Variants in GZF1 observed in about 807,000 individuals in gnomAD.
GZF1 encodes the protein GDNF inducible zinc finger protein 1.
A neutral mutation model predicts 49.4 loss-of-function variants in GZF1; 28 were observed. That is an observed-to-expected ratio of 0.57 (90% CI 0.42 to 0.78). The LOEUF is 0.78. Among genes scored for constraint, GZF1 ranks in the 30% least tolerant of loss-of-function variants. The pLI, the probability that GZF1 is intolerant of heterozygous loss-of-function variation, is 0.00. For synonymous variants in GZF1, 364 were observed against 356.0 expected, an observed-to-expected ratio of 1.02 and a Z score of -0.25; for missense variants, 798 against 916.2, an observed-to-expected ratio of 0.87 and a Z score of 1.67.
intron 1 of GZF1, chr20:23,362,890 C>CAGG (rs1234511399): frequency 1.3e-5 from 2 of 152,298 alleles, no homozygotes; most frequent in African/African-American, 2.4e-5. Flanking sequence ...CTGGGGAAGT[C>CAGG]AGGGCATCAG....
rs553920502 is a variant in GZF1, at chr20:23,372,173, G to A, written c.*1732G>A. On this transcript the variant is annotated 3_prime_UTR_variant, in exon 6 of 6. Transcript: ENST00000338121. Reference sequence around the variant, plus strand: ...ACAATAGATCATTTTGTTACCTACTGGAGGGATTTTTGTCTTGAATTTGTT... The same window carrying A: ...ACAATAGATCATTTTGTTACCTACTAGAGGGATTTTTGTCTTGAATTTGTT... 1.8e-4 allele frequency: 27 copies of A among 152,592 alleles called. No individual in the cohort carries two copies. The highest frequency in any genetic ancestry group is 3.8e-4 in the Non-Finnish European group (26 of 68,040). 9.5% of individuals were successfully genotyped at this position (152,592 alleles called of 1,614,324 possible). A position where few individuals can be genotyped will look rare whatever the true frequency, so the allele number is the denominator to read the frequency against.
intron 2 of GZF1, among the ~76,000 whole-genome samples, chr20:23,366,124 A>G (rs916992840): frequency 6.6e-6 from 1 of 152,202 alleles, no homozygotes. Flanking sequence ...TAGAGACCTC[A>G]GTGAGATGCC....
In GZF1 at chr20:23,372,570, A is replaced by C. The variant is rs1425708445; in HGVS notation, c.*2129A>C. 1 of 152,198 alleles carries C rather than the reference A, an allele frequency of 6.6e-6. No individual in the cohort carries two copies. Among genetic ancestry groups the C allele is most frequent in the South Asian group, 2.1e-4 (1 of 4,828 alleles). The allele number at this position is 152,198 out of a possible 1,614,324, so 9.4% of individuals were successfully genotyped here. ...AGTAGGCATCAAAGATACGACTTCT[A>C]CTATATACATTTCTCTGTCCCTGAG... On this transcript the variant is annotated 3_prime_UTR_variant, in exon 6 of 6. Coordinates refer to ENST00000338121, the MANE Select transcript of GZF1 (RefSeq NM_022482.5).
At chr20:23,369,823 A>C in intron 5 of GZF1, 82 bp downstream of exon 5, 37 of 1,457,300 alleles carry the variant, frequency 2.5e-5, no homozygotes, top group Non-Finnish European at 3.2e-5. Flanking sequence ...ACCATTCTCC[A>C]AGGTGGTTAG....
Position 23,365,718 on chromosome 20 carries a change from G to C in GZF1, c.1335G>C (p.Ser445=), listed in dbSNP as rs758591239. 1 of 1,552,260 alleles carries C rather than the reference G, an allele frequency of 6.4e-7. No homozygotes were observed. The highest frequency in any genetic ancestry group is 1.4e-5 in the African/African-American group (1 of 73,858). The stretch of plus-strand genomic sequence containing the variant: ...GCACCGAGTGCGGCGCCAGGTTCTC[G>C]CAGCCGTCCGCGCTCAAGACGCACA... ...YGCTECGARF[S]QPSALKTHMR... Residue 445 remains serine, a synonymous_variant, in exon 2 of 6, where the codon TCG becomes TCC. Coordinates refer to ENST00000338121, the MANE Select transcript of GZF1 (RefSeq NM_022482.5).
Position 23,365,886 on chromosome 20 carries a change from T to A in GZF1, c.1364+139T>A, listed in dbSNP as rs983586678. 9 of 1,350,022 alleles carry A rather than the reference T, an allele frequency of 6.7e-6. 1 individual carries two copies. In the Middle Eastern group the frequency reaches 1.9e-3, roughly 283 times the overall value. 83.6% of individuals were successfully genotyped at this position (1,350,022 alleles called of 1,614,324 possible). On this transcript the variant is annotated intron_variant, in intron 2 of 5. Coordinates refer to ENST00000338121, the MANE Select transcript of GZF1 (RefSeq NM_022482.5). ...GGCTTATTTCGAGACAGCGTTTAGT[T>A]CTCTGTCAAGGTACAGGGGCTGCGA... is the stretch of plus-strand genomic sequence containing the variant.
chr20:23,362,196 G>A lies in GZF1; in HGVS notation c.-63G>A, dbSNP rs918833611. On this transcript the variant is annotated 5_prime_UTR_variant, in exon 1 of 6. Coordinates refer to ENST00000338121, the MANE Select transcript of GZF1 (RefSeq NM_022482.5). ...CCGGGCCGGCCGTTCCTACCGGCCT[G>A]GTCCAGCGGACAGCGGCTGCAGCGG... 1 of 152,064 alleles carries A rather than the reference G, an allele frequency of 6.6e-6. No homozygotes were observed. The allele number at this position is 152,064 out of a possible 1,614,324, so 9.4% of individuals were successfully genotyped here.
intron 2 of GZF1, among the ~76,000 whole-genome samples, chr20:23,366,109 C>G (rs1055575872): frequency 7.2e-5 from 11 of 152,326 alleles, no homozygotes; most frequent in Admixed American, 7.2e-4. Flanking sequence ...GTCCCACAGT[C>G]TCAGTAGAGA....
In GZF1 at chr20:23,365,592, C is replaced by T. The variant is rs752982321; in HGVS notation, c.1209C>T (p.Gly403=). 2.2e-5 allele frequency: 36 copies of T among 1,608,916 alleles called. No individual in the cohort carries two copies. The highest frequency in any genetic ancestry group is 2.9e-5 in the Non-Finnish European group (34 of 1,179,490). Residue 403 remains glycine, a synonymous_variant, in exon 2 of 6, where the codon GGC becomes GGT. Transcript: ENST00000338121. The part of the protein sequence containing the change: ...KRHVLQVHEG[G]GERHRCGQCG... ...ACGTGCTGCAGGTGCATGAGGGCGG[C>T]GGCGAGCGGCACCGCTGCGGCCAGT...
rs899424274 is a variant in GZF1 at position 23,366,943 on chromosome 20, G to C, written c.1365-60G>C. 31 of 1,175,930 alleles carry C rather than the reference G, an allele frequency of 2.6e-5. No homozygotes were observed. In the South Asian group the frequency reaches 3.8e-4, roughly 14 times the overall value. The allele number at this position is 1,175,930 out of a possible 1,614,324, so 72.8% of individuals were successfully genotyped here. ...ATTTTTGCAGGATAGAGTGGAAATTGTATTGCAAAGTGAGCTTTGAAATAC... is the reference window on the plus strand; with the variant it reads ...ATTTTTGCAGGATAGAGTGGAAATTCTATTGCAAAGTGAGCTTTGAAATAC... On this transcript the variant is annotated intron_variant, in intron 2 of 5. Transcript: ENST00000338121.
chr20:23,361,482 C>A (rs1242403214), upstream of GZF1, among the ~76,000 whole-genome samples: 2 of 152,208 alleles, frequency 1.3e-5, no homozygotes, highest in Non-Finnish European at 2.9e-5. Context: ...AATGGGAACT[C>A]CTGGAAATAA....
At chr20:23,368,713 G>GTTTT (rs1981699438) in intron 3 of GZF1, 49 bp from the exon 4 acceptor site, 1 of 1,487,750 alleles carries the variant, frequency 6.7e-7, no homozygotes, top group African/African-American at 1.4e-5. Flanking sequence ...TGTTCCATGT[G>GTTTT]TTTTTAATGC....
Position 23,372,580 on chromosome 20 carries a change from T to C in GZF1, c.*2139T>C, listed in dbSNP as rs1188778117. 1 of 152,218 alleles carries C rather than the reference T, an allele frequency of 6.6e-6. No homozygotes were observed. Among genetic ancestry groups the C allele is most frequent in the Non-Finnish European group, 1.5e-5 (1 of 68,040 alleles). The allele number at this position is 152,218 out of a possible 1,614,324, so 9.4% of individuals were successfully genotyped here. A position where few individuals can be genotyped will look rare whatever the true frequency, so the allele number is the denominator to read the frequency against. ...AAAGATACGACTTCTACTATATACATTTCTCTGTCCCTGAGAACAGAGAAA... is the reference window on the plus strand; with the variant it reads ...AAAGATACGACTTCTACTATATACACTTCTCTGTCCCTGAGAACAGAGAAA... On this transcript the variant is annotated 3_prime_UTR_variant, in exon 6 of 6. Coordinates refer to ENST00000338121, the MANE Select transcript of GZF1 (RefSeq NM_022482.5).
At chr20:23,365,960 G>A (rs746010796) in intron 2 of GZF1, among the ~76,000 whole-genome samples, 1 of 152,274 alleles carries the variant, frequency 6.6e-6, no homozygotes, top group East Asian at 1.9e-4. Flanking sequence ...GCCCCTGCTG[G>A]CCGGGACGTC....
chr20:23,362,280 C>G lies in GZF1; in HGVS notation c.-22+43C>G, dbSNP rs981754367. ...AGGCCTGGCTCCGGCCCCTCGCCGCCCGCCGCCGCCTCTTTGTCCGCGCGC... is the reference window on the plus strand; with the variant it reads ...AGGCCTGGCTCCGGCCCCTCGCCGCGCGCCGCCGCCTCTTTGTCCGCGCGC... On this transcript the variant is annotated intron_variant, in intron 1 of 5. Transcript: ENST00000338121. 4.6e-5 allele frequency: 7 copies of G among 152,236 alleles called. No individual in the cohort carries two copies. In the East Asian group the frequency reaches 1.3e-3, roughly 29 times the overall value. The allele number at this position is 152,236 out of a possible 1,614,324, so 9.4% of individuals were successfully genotyped here.
At chr20:23,362,788 C>G (rs1349980868) in intron 1 of GZF1, 1 of 152,312 alleles carries the variant, frequency 6.6e-6, no homozygotes, top group African/African-American at 2.4e-5. Context: ...AGTGCCTGCA[C>G]TCCAGTAGCC....
upstream of GZF1, among the ~76,000 whole-genome samples, chr20:23,362,001 T>C (rs1271663673): frequency 5.9e-5 from 9 of 152,012 alleles, no homozygotes; most frequent in Admixed American, 5.9e-4. Flanking sequence ...CAATCCGGCG[T>C]CGCCAGTCAG....
chr20:23,365,314 G>C lies in GZF1; in HGVS notation c.931G>C (p.Glu311Gln). The change falls in exon 2 of 6, where the codon GAG becomes CAG. Residue 311 changes from glutamate to glutamine, a missense_variant. Physicochemically the swap from Glu to Gln is conservative, Grantham distance 29. This residue lies in a region of GZF1 where 247 missense variants were observed against 228.5 expected (regional missense o/e 1.08). Transcript: ENST00000338121. ...EEEEEEDEEG[E>Q]KKKSNFKCSI... ...GGAGGAGGAGGAGGACGAAGAAGGG[G>C]AGAAGAAGAAGAGCAACTTTAAGTG... 6.2e-7 allele frequency: 1 copy of C among 1,608,426 alleles called. No homozygotes were observed. Among genetic ancestry groups the C allele is most frequent in the Non-Finnish European group, 8.5e-7 (1 of 1,176,452 alleles).
chr20:23,361,733 C>T (rs775605970), upstream of GZF1, among the ~76,000 whole-genome samples: 8 of 152,234 alleles, frequency 5.3e-5, no homozygotes, highest in Non-Finnish European at 8.8e-5. Flanking sequence ...AGGGTGCGCT[C>T]GGCCTCGGGG....
Sources: gnomAD v4.1 joint callset for allele counts (sites outside exome capture counted in the v4.1 genomes callset) on GRCh38, gnomAD v4.1.1 for gene constraint, gnomAD v4.1.1 regional missense constraint, MANE v1.5 for transcripts, NCBI Gene and HGNC (gene_info 2026-07-23, HGNC 2026-07-21) for gene names.